Variants in SEMA5A observed in about 807,000 individuals in gnomAD.
SEMA5A encodes semaphorin-5A.
SEMA5A carries 55 observed loss-of-function variants against 135.5 expected under a neutral mutation model. The ratio of observed to expected loss-of-function variants is 0.41; its 90% confidence interval spans 0.33 to 0.51. The LOEUF (loss-of-function observed/expected upper bound fraction) is 0.51. Ranked by LOEUF, SEMA5A falls within the 20% of genes least tolerant of loss-of-function variation. SEMA5A has a pLI of 0.37. For missense variants in SEMA5A, 1,290 were observed against 1,419.9 expected (o/e 0.91, Z 1.47); for synonymous variants, 580 against 546.5 (o/e 1.06, Z -0.85).
chr5:9,127,459 C>G (rs1385043687), intron 13 of SEMA5A, among the ~76,000 whole-genome samples: 1 of 152,190 alleles, frequency 6.6e-6, no homozygotes, highest in South Asian at 2.1e-4. Context: ...TTCCCTATGG[C>G]TCATAAGCCC....
At chr5:9,047,094 A>C (rs1736303222) in intron 21 of SEMA5A, among the ~76,000 whole-genome samples, 1 of 152,214 alleles carries the variant, frequency 6.6e-6, no homozygotes, top group Non-Finnish European at 1.5e-5. Context: ...TAACTGTAAC[A>C]ATGACGCTAT....
chr5:9,157,636 G>T (rs1427693011), intron 11 of SEMA5A, among the ~76,000 whole-genome samples: 1 of 152,084 alleles, frequency 6.6e-6, no homozygotes, highest in Non-Finnish European at 1.5e-5. Context: ...CATGCACATG[G>T]TGGCCCCATG....
At chr5:9,281,291 T>A (rs1442384927) in intron 5 of SEMA5A, among the ~76,000 whole-genome samples, 4 of 152,232 alleles carry the variant, frequency 2.6e-5, no homozygotes, top group Admixed American at 6.5e-5. Flanking sequence ...CCTAATTCAA[T>A]CCAGCCAAGA....
At chr5:9,364,762 G>A (rs1754844293) in intron 3 of SEMA5A, among the ~76,000 whole-genome samples, 1 of 152,102 alleles carries the variant, frequency 6.6e-6, no homozygotes, top group Non-Finnish European at 1.5e-5. Context: ...GTCATAAAAA[G>A]CACCAACAGA....
chr5:9,129,266 C>T (rs1741277171), intron 13 of SEMA5A, among the ~76,000 whole-genome samples: 2 of 152,242 alleles, frequency 1.3e-5, no homozygotes, highest in Admixed American at 1.3e-4. Flanking sequence ...TTGGGCAAAT[C>T]ACAGTGAGAA....
chr5:9,323,789 G>A (rs926236064), intron 4 of SEMA5A, among the ~76,000 whole-genome samples: 1 of 149,778 alleles, frequency 6.7e-6, no homozygotes, highest in Non-Finnish European at 1.5e-5. Flanking sequence ...AGCCTCCCCA[G>A]TAGCCAGGAT....
chr5:9,392,625 G>C (rs1313254443), intron 2 of SEMA5A, among the ~76,000 whole-genome samples: 1 of 152,156 alleles, frequency 6.6e-6, no homozygotes, highest in Non-Finnish European at 1.5e-5. Context: ...GATTATGATA[G>C]TCAGTTGATG....
chr5:9,069,964 A>C (rs1359913150), intron 16 of SEMA5A, among the ~76,000 whole-genome samples: 1 of 152,096 alleles, frequency 6.6e-6, no homozygotes, highest in Non-Finnish European at 1.5e-5. Flanking sequence ...TAGTGTGGGG[A>C]TGCTCTCACC....
At chr5:9,414,568 A>G (rs1177771385) in intron 2 of SEMA5A, among the ~76,000 whole-genome samples, 2 of 152,236 alleles carry the variant, frequency 1.3e-5, no homozygotes, top group Non-Finnish European at 2.9e-5. Context: ...CAGTCATAAT[A>G]TGAAAACATT....
intron 1 of SEMA5A, among the ~76,000 whole-genome samples, chr5:9,447,371 G>C (rs1463969035): frequency 6.6e-6 from 1 of 152,156 alleles, no homozygotes; most frequent in Non-Finnish European, 1.5e-5. Flanking sequence ...TTCTATTCTG[G>C]CTTAAACCTA....
chr5:9,098,117 G>T (rs1739423752), intron 16 of SEMA5A, among the ~76,000 whole-genome samples: 1 of 151,962 alleles, frequency 6.6e-6, no homozygotes, highest in Non-Finnish European at 1.5e-5. Context: ...GGTATCAAGT[G>T]CCTGTAATCC....
At chr5:9,283,329 T>C (rs1750635357) in intron 5 of SEMA5A, among the ~76,000 whole-genome samples, 1 of 152,182 alleles carries the variant, frequency 6.6e-6, no homozygotes, top group South Asian at 2.1e-4. Context: ...CATTGGTTGC[T>C]GGAAAAATTC....
At chr5:9,316,104 T>C (rs1361095025) in intron 5 of SEMA5A, among the ~76,000 whole-genome samples, 1 of 152,230 alleles carries the variant, frequency 6.6e-6, no homozygotes, top group Non-Finnish European at 1.5e-5. Flanking sequence ...TGGATTCTTA[T>C]GTTATTCAAT....
chr5:9,436,516 C>T (rs1365247955), intron 2 of SEMA5A, among the ~76,000 whole-genome samples: 1 of 152,196 alleles, frequency 6.6e-6, no homozygotes, highest in Non-Finnish European at 1.5e-5. Flanking sequence ...CCCATTTAGC[C>T]TCCTTCCTCA....
At chr5:9,485,247 G>T (rs1298105583) in intron 1 of SEMA5A, among the ~76,000 whole-genome samples, 1 of 147,656 alleles carries the variant, frequency 6.8e-6, no homozygotes, top group African/African-American at 2.6e-5. Flanking sequence ...CCACCCCCAG[G>T]CCCTGGAAAT....
Position 9,349,637 on chromosome 5 carries a change from C to T in SEMA5A, c.125-11825G>A, listed in dbSNP as rs533715702. Among the ~76,000 whole-genome samples the T allele has an allele frequency of 5.9e-5, 9 of 152,238 alleles. No homozygotes were observed. The East Asian group carries it at 7.7e-4, about 13-fold the overall frequency. On this transcript the variant is annotated intron_variant, in intron 3 of 22. Transcript: ENST00000382496. The stretch of plus-strand genomic sequence containing the variant: ...AAAGAGGGTTGGGCACGGTGGCTCA[C>T]GTCTGTAATCCCAGCATTTTGGGAG...
intron 5 of SEMA5A, among the ~76,000 whole-genome samples, chr5:9,307,670 C>T (rs1751935517): frequency 6.6e-6 from 1 of 152,044 alleles, no homozygotes; most frequent in Admixed American, 6.6e-5. Flanking sequence ...TTGGAAGGGA[C>T]ATACAGATAA....
At chr5:9,237,981 T>A in intron 5 of SEMA5A, 91 bp from the exon 6 acceptor site, 1 of 1,138,156 alleles carries the variant, frequency 8.8e-7, no homozygotes, top group Non-Finnish European at 1.3e-6. Flanking sequence ...GTAACCAGAT[T>A]AGGAAATATG....
chr5:9,288,827 T>G (rs1196477048), intron 5 of SEMA5A, among the ~76,000 whole-genome samples: 1 of 152,238 alleles, frequency 6.6e-6, no homozygotes, highest in Non-Finnish European at 1.5e-5. Flanking sequence ...TTGTAAACTA[T>G]ATCTCATTCA....
Sources: allele counts gnomAD v4.1 joint callset (sites outside exome capture counted in the v4.1 genomes callset), GRCh38; gene constraint gnomAD v4.1.1; transcripts MANE v1.5; gene names NCBI Gene and HGNC (gene_info 2026-07-23, HGNC 2026-07-21).